Variants in MCM6 observed in about 807,000 individuals in gnomAD.
MCM6 encodes minichromosome maintenance complex component 6, also known as DNA replication licensing factor MCM6.
MCM6 carries 46 observed loss-of-function variants against 94.3 expected under a neutral mutation model. That is an observed-to-expected ratio of 0.49 (90% CI 0.39 to 0.62). MCM6 has a LOEUF of 0.62. Among genes scored for constraint, MCM6 ranks in the 20% least tolerant of loss-of-function variants. MCM6 has a pLI of 0.00. For synonymous variants in MCM6, 335 were observed against 351.9 expected, an observed-to-expected ratio of 0.95 and a Z score of 0.54; for missense variants, 865 against 1,017.9, an observed-to-expected ratio of 0.85 and a Z score of 2.04.
intron 13 of MCM6, among the ~76,000 whole-genome samples, chr2:135,850,559 T>A (rs979011883): frequency 6.6e-6 from 1 of 152,144 alleles, no homozygotes; most frequent in Non-Finnish European, 1.5e-5. Flanking sequence ...TGAAAGTACT[T>A]CGTCAATAGT....
At position 135,868,894 on chromosome 2, in the gene MCM6, T is replaced by G. The variant is rs1266551409; in HGVS notation, c.366-34A>C. 4 of 1,595,532 alleles carry G rather than the reference T, an allele frequency of 2.5e-6. No homozygotes were observed. In the African/African-American group the frequency reaches 5.4e-5, roughly 21 times the overall value. On this transcript the variant is annotated intron_variant, in intron 3 of 16. Coordinates refer to ENST00000264156, the MANE Select transcript of MCM6 (RefSeq NM_005915.6). ...AGACAAATGTCCCATTAGTAAACAT[T>G]CATCTCTTAACTAAGAATCTTTCCA...
chr2:135,851,246 G>A (rs1416052918), intron 13 of MCM6, among the ~76,000 whole-genome samples, 156 bp downstream of exon 13: 1 of 152,142 alleles, frequency 6.6e-6, no homozygotes, highest in Non-Finnish European at 1.5e-5. Context: ...TGCTTACCAA[G>A]CTCTTTAAAG....
chr2:135,861,320 T>C (rs1355613425), intron 8 of MCM6, among the ~76,000 whole-genome samples: 1 of 151,860 alleles, frequency 6.6e-6, no homozygotes, highest in Non-Finnish European at 1.5e-5. Context: ...TACAAGAAAG[T>C]GGGCAAATTT....
intron 2 of MCM6, among the ~76,000 whole-genome samples, chr2:135,871,071 T>C (rs755941753): frequency 4.0e-4 from 61 of 152,124 alleles, no homozygotes; most frequent in Non-Finnish European, 2.6e-4. Flanking sequence ...AAGAAATGGA[T>C]GAGGACAGGA....
In MCM6 at chr2:135,869,145, G is replaced by A. The variant is rs138141905; in HGVS notation, c.366-285C>T. On this transcript the variant is annotated intron_variant, in intron 3 of 16. Transcript: ENST00000264156. The stretch of plus-strand genomic sequence containing the variant: ...GGGCTGGGCGCAGTGACTCACACCT[G>A]TAATCCCAGCACTTTGGGAGACCAA... 3.2e-3 allele frequency among the ~76,000 whole-genome samples: 491 copies of A among 152,250 alleles called. 4 individuals are homozygous for A. The highest frequency in any genetic ancestry group is 6.6e-3 in the South Asian group (32 of 4,832).
intron 8 of MCM6, 145 bp downstream of exon 8, chr2:135,862,462 A>G: frequency 5.6e-6 from 5 of 887,852 alleles, no homozygotes; most frequent in Non-Finnish European, 8.1e-6. Context: ...ATGTTGCCAT[A>G]ACTTTAATCT....
At chr2:135,862,994 T>G (rs1680025055) in intron 7 of MCM6, among the ~76,000 whole-genome samples, 1 of 152,208 alleles carries the variant, frequency 6.6e-6, no homozygotes, top group Non-Finnish European at 1.5e-5. Flanking sequence ...CTCACCATCC[T>G]AAGAGCCTTT....
At chr2:135,859,180 A>G (rs1333064652) in intron 9 of MCM6, 121 bp downstream of exon 9, 1 of 780,954 alleles carries the variant, frequency 1.3e-6, no homozygotes, top group Admixed American at 2.9e-5. Flanking sequence ...GGTGTGAGCC[A>G]CCGCGCCCAG....
chr2:135,843,633 G>A (rs1298945667), intron 16 of MCM6, among the ~76,000 whole-genome samples: 1 of 150,926 alleles, frequency 6.6e-6, no homozygotes, highest in African/African-American at 2.4e-5. Context: ...CTACTTGGGA[G>A]GCTGAGACAG....
At chr2:135,871,558 G>A (rs1680201779) in intron 2 of MCM6, among the ~76,000 whole-genome samples, 1 of 152,152 alleles carries the variant, frequency 6.6e-6, no homozygotes, top group Non-Finnish European at 1.5e-5. Context: ...TCTATAGACT[G>A]TCACATTTAT....
chr2:135,844,788 A>C, intron 15 of MCM6, 104 bp from the exon 16 acceptor site: 2 of 1,214,062 alleles, frequency 1.6e-6, no homozygotes, highest in Non-Finnish European at 2.2e-6. Context: ...GATTAGATAA[A>C]TGTCAAGCCG....
At chr2:135,864,862 A>C (rs1680061872) in intron 7 of MCM6, 151 bp downstream of exon 7, 1 of 468,648 alleles carries the variant, frequency 2.1e-6, no homozygotes, top group Admixed American at 4.3e-5. Context: ...CGTATAAGTG[A>C]AATCATGTAC....
intron 6 of MCM6, among the ~76,000 whole-genome samples, chr2:135,865,795 G>A (rs1036729414): frequency 1.3e-5 from 2 of 151,896 alleles, no homozygotes; most frequent in South Asian, 2.1e-4. Flanking sequence ...ACCCCATCCC[G>A]TGCTCTCAAC....
At position 135,851,423 on chromosome 2, in the gene MCM6, A is replaced by G. The variant is rs1265201047; in HGVS notation, c.1896T>C (p.Ala632=). The G allele has an allele frequency of 6.2e-7, 1 of 1,613,692 alleles. No individual in the cohort carries two copies. The highest frequency in any genetic ancestry group is 2.2e-5 in the East Asian group (1 of 44,890). The change falls in exon 13 of 17, where the codon GCT becomes GCC. Residue 632 remains alanine (A), a synonymous_variant. Transcript: ENST00000264156. ...ATACCTCATCACAGCAGTGCATCCG[A>G]GCCATAGCTTCAGAGAGACGAATCA... ...ESMIRLSEAM[A]RMHCCDEVQP...
At chr2:135,850,645 T>C (rs1025466957) in intron 13 of MCM6, among the ~76,000 whole-genome samples, 12 of 152,182 alleles carry the variant, frequency 7.9e-5, no homozygotes, top group African/African-American at 2.2e-4. Context: ...AAAGTAGTGA[T>C]TGAAGTCGGA....
At chr2:135,846,426 T>C in intron 14 of MCM6, 34 bp from the exon 15 acceptor site, 1 of 1,605,122 alleles carries the variant, frequency 6.2e-7, no homozygotes, top group South Asian at 1.1e-5. Flanking sequence ...AATCTTATTT[T>C]TGTGCCCTTA....
chr2:135,868,957 A>C, intron 3 of MCM6, 97 bp from the exon 4 acceptor site: 1 of 1,253,126 alleles, frequency 8.0e-7, no homozygotes, highest in East Asian at 2.4e-5. Flanking sequence ...TTTATGTTTA[A>C]AAAAAAAATT....
chr2:135,850,364 T>G lies in MCM6; in HGVS notation c.1917+1038A>C, dbSNP rs527929152. ...AGGTTTGTTACATAGGTAAACTGTG[T>G]GTCATGGGGATTTAGTATATAGATT... On this transcript the variant is annotated intron_variant, in intron 13 of 16. Transcript: ENST00000264156. 2.7e-5 allele frequency among the ~76,000 whole-genome samples: 4 copies of G among 150,912 alleles called. No individual in the cohort carries two copies. The East Asian group carries it at 7.8e-4, about 29-fold the overall frequency.
intron 11 of MCM6, among the ~76,000 whole-genome samples, chr2:135,853,871 G>C (rs904444474): frequency 6.6e-6 from 1 of 152,196 alleles, no homozygotes; most frequent in Non-Finnish European, 1.5e-5. Context: ...GGGTATATGG[G>C]TGTTCTATGC....
Sources: allele counts gnomAD v4.1 joint callset (sites outside exome capture counted in the v4.1 genomes callset), GRCh38; gene constraint gnomAD v4.1.1; transcripts MANE v1.5; gene names NCBI Gene and HGNC (gene_info 2026-07-23, HGNC 2026-07-21).